The following PTPN2 variants were observed in gnomAD, a reference collection of about 807,000 sequenced individuals.
PTPN2 encodes protein tyrosine phosphatase non-receptor type 2.
In PTPN2, 19 loss-of-function variants were observed where a neutral mutation model predicts 57.3. The observed-to-expected ratio is 0.33, with a 90% CI of 0.23 to 0.49. The LOEUF is 0.49. PTPN2 is among the 20% of genes least tolerant of loss of function. The pLI, the probability that PTPN2 is intolerant of heterozygous loss-of-function variation, is 0.99. For missense variants in PTPN2, 358 were observed against 501.1 expected (o/e 0.71, Z 2.73); for synonymous variants, 153 against 164.9 (o/e 0.93, Z 0.55).
chr18:12,861,491 T>G (rs921286828), intron 1 of PTPN2, among the ~76,000 whole-genome samples: 1 of 152,228 alleles, frequency 6.6e-6, no homozygotes, highest in Non-Finnish European at 1.5e-5. Context: ...TCAATGCATC[T>G]GGAAGGCAAG....
chr18:12,820,361 T>C (rs1007489723), intron 5 of PTPN2, among the ~76,000 whole-genome samples: 3 of 152,096 alleles, frequency 2.0e-5, no homozygotes, highest in Non-Finnish European at 4.4e-5. Flanking sequence ...AAAATCATAA[T>C]TCACAGTTAC....
At chr18:12,785,899 A>T (rs1029562574) in intron 9 of PTPN2, 2 of 1,429,394 alleles carry the variant, frequency 1.4e-6, no homozygotes, top group Non-Finnish European at 2.0e-6. Flanking sequence ...AAACACACAG[A>T]CGAACATAGA....
At chr18:12,814,110 T>G in intron 7 of PTPN2, 93 bp downstream of exon 7, 29 of 1,069,048 alleles carry the variant, frequency 2.7e-5, no homozygotes, top group Non-Finnish European at 3.9e-5. Flanking sequence ...ATACACTCTT[T>G]GAAACAAAGA....
In PTPN2 at chr18:12,794,023, T is replaced by C. The variant is rs930498054; in HGVS notation, c.*255A>G. The stretch of plus-strand genomic sequence containing the variant: ...CTGTGTTTGACATGTATGAATACAG[T>C]TGCAAAATTTACCAGTTTTTAACAA... On this transcript the variant is annotated 3_prime_UTR_variant, in exon 9 of 9. Transcript: ENST00000309660. 1.2e-5 allele frequency: 16 copies of C among 1,363,434 alleles called. No individual in the cohort carries two copies. The Admixed American group carries it at 2.3e-4, about 20-fold the overall frequency. 84.5% of individuals were successfully genotyped at this position (1,363,434 alleles called of 1,614,324 possible). A position where few individuals can be genotyped will look rare whatever the true frequency, so the allele number is the denominator to read the frequency against.
intron 1 of PTPN2, among the ~76,000 whole-genome samples, chr18:12,870,660 A>C (rs2044240005): frequency 6.7e-6 from 1 of 149,314 alleles, no homozygotes; most frequent in South Asian, 2.1e-4. Context: ...AGGCGCCCGC[A>C]ACCACGCCCG....
chr18:12,786,043 C>T (rs138154977), intron 9 of PTPN2: 178 of 562,394 alleles, frequency 3.2e-4, no homozygotes, highest in African/African-American at 2.9e-3. Context: ...GATTTCCAAA[C>T]GATGGTGGTG....
Position 12,835,382 on chromosome 18 carries a change from C to CTTTTTTTTTTTTTTTTTTTTTTTTTTTTT in PTPN2, c.261+1408_261+1409insAAAAAAAAAAAAAAAAAAAAAAAAAAAAA, listed in dbSNP as rs60239177. On this transcript the variant is annotated intron_variant, in intron 3 of 8. Transcript: ENST00000309660. ...CTGCAATGAACATGATCACATATGT[C>CTTTTTTTTTTTTTTTTTTTTTTTTTTTTT]TTTTTTTTTTTTTTGGACAGTTTTG... is the stretch of plus-strand genomic sequence containing the variant. Among the ~76,000 whole-genome samples, 7 of 99,018 alleles carry CTTTTTTTTTTTTTTTTTTTTTTTTTTTTT rather than the reference C, an allele frequency of 7.1e-5. 1 individual carries two copies. The East Asian group carries it at 1.0e-3, about 15-fold the overall frequency. 65.0% of individuals were successfully genotyped at this position (99,018 alleles called of 152,430 possible).
At chr18:12,835,943 T>C (rs1383544425) in intron 3 of PTPN2, among the ~76,000 whole-genome samples, 1 of 152,144 alleles carries the variant, frequency 6.6e-6, no homozygotes, top group Non-Finnish European at 1.5e-5. Flanking sequence ...CTACCTCAAG[T>C]AAAAAATGCA....
intron 7 of PTPN2, among the ~76,000 whole-genome samples, chr18:12,810,455 A>G (rs1192522046): frequency 6.6e-6 from 1 of 151,986 alleles, no homozygotes; most frequent in African/African-American, 2.4e-5. Context: ...TATGTTTTTA[A>G]TTTTTTTAGA....
intron 2 of PTPN2, among the ~76,000 whole-genome samples, chr18:12,858,717 A>G (rs777915930): frequency 2.0e-5 from 3 of 152,020 alleles, no homozygotes; most frequent in Non-Finnish European, 2.9e-5. Flanking sequence ...TGTTCCTTAT[A>G]CTCTTCTCTG....
At chr18:12,870,910 A>G (rs1342929679) in intron 1 of PTPN2, among the ~76,000 whole-genome samples, 1 of 152,084 alleles carries the variant, frequency 6.6e-6, no homozygotes, top group Non-Finnish European at 1.5e-5. Flanking sequence ...AACCGTACAA[A>G]AGGGTATATA....
chr18:12,820,262 T>C (rs1333766259), intron 5 of PTPN2, among the ~76,000 whole-genome samples: 5 of 152,192 alleles, frequency 3.3e-5, no homozygotes, highest in African/African-American at 1.2e-4. Flanking sequence ...GTTGTTTTTT[T>C]TCCCCCCTAC....
At chr18:12,823,535 C>T (rs1283507833) in intron 5 of PTPN2, among the ~76,000 whole-genome samples, 3 of 151,970 alleles carry the variant, frequency 2.0e-5, no homozygotes, top group East Asian at 3.9e-4. Context: ...ATTAGCCAGG[C>T]GTGGTGGTGC....
At chr18:12,883,242 T>C (rs944555248) in intron 1 of PTPN2, among the ~76,000 whole-genome samples, 1 of 152,190 alleles carries the variant, frequency 6.6e-6, no homozygotes, top group Non-Finnish European at 1.5e-5. Context: ...CGTTTCACTG[T>C]AGGGAAAGTA....
chr18:12,796,470 T>A (rs1008084104), intron 8 of PTPN2, among the ~76,000 whole-genome samples: 6 of 152,212 alleles, frequency 3.9e-5, no homozygotes, highest in African/African-American at 1.4e-4. Context: ...ATTAGAATAT[T>A]TTAATCAATG....
Position 12,870,462 on chromosome 18 carries a change from T to TATAGAGAG in PTPN2, c.70-11209_70-11208insCTCTCTAT, listed in dbSNP as rs1555679714. 5.1e-4 allele frequency among the ~76,000 whole-genome samples: 9 copies of TATAGAGAG among 17,714 alleles called. No individual in the cohort carries two copies. The Admixed American group carries it at 6.1e-3, about 12-fold the overall frequency. The allele number at this position is 17,714 out of a possible 152,430, so 11.6% of individuals were successfully genotyped here. A position where few individuals can be genotyped will look rare whatever the true frequency, so the allele number is the denominator to read the frequency against. On this transcript the variant is annotated intron_variant, in intron 1 of 8. Coordinates refer to ENST00000309660, the MANE Select transcript of PTPN2 (RefSeq NM_002828.4). The stretch of plus-strand genomic sequence containing the variant: ...ATGTGTATATATATATATATATATA[T>TATAGAGAG]AGAGAGAGAGAGAGAGAGAGAGAGA...
At chr18:12,811,095 A>G (rs2041874448) in intron 7 of PTPN2, among the ~76,000 whole-genome samples, 1 of 152,196 alleles carries the variant, frequency 6.6e-6, no homozygotes, top group South Asian at 2.1e-4. Flanking sequence ...ATAAGCACTA[A>G]TACTAATATT....
Position 12,793,433 on chromosome 18 carries a change from G to T in PTPN2, c.*845C>A. ...CATGAAAAATAAACATATCAATAAT[G>T]GGATTTACAGAAACCAATTTCTTTA... On this transcript the variant is annotated 3_prime_UTR_variant, in exon 9 of 9. Transcript: ENST00000309660. The T allele has an allele frequency of 1.0e-6, 1 of 977,764 alleles. No individual in the cohort carries two copies. Among genetic ancestry groups the T allele is most frequent in the South Asian group, 4.7e-5 (1 of 21,112 alleles). The allele number at this position is 977,764 out of a possible 1,614,324, so 60.6% of individuals were successfully genotyped here.
At chr18:12,868,588 A>G (rs2044076429) in intron 1 of PTPN2, among the ~76,000 whole-genome samples, 1 of 149,776 alleles carries the variant, frequency 6.7e-6, no homozygotes, top group Admixed American at 6.7e-5. Flanking sequence ...CTTGCTGTCA[A>G]TTTTTACCTC....
Sources: gnomAD v4.1 joint callset for allele counts (sites outside exome capture counted in the v4.1 genomes callset) on GRCh38, gnomAD v4.1.1 for gene constraint, MANE v1.5 for transcripts, NCBI Gene and HGNC (gene_info 2026-07-23, HGNC 2026-07-21) for gene names.